Variants in GALNTL6 observed in about 807,000 individuals in gnomAD.
The protein encoded by GALNTL6 is polypeptide N-acetylgalactosaminyltransferase like 6.
Under a neutral mutation model 73.7 loss-of-function variants are expected in GALNTL6, and 46 were observed. The observed-to-expected ratio is 0.62, with a 90% CI of 0.49 to 0.80. The LOEUF (loss-of-function observed/expected upper bound fraction) is 0.80, where lower values mean the gene tolerates loss of function less well. Among genes scored for constraint, GALNTL6 ranks in the 30% least tolerant of loss-of-function variants. The probability of loss-of-function intolerance (pLI) is 0.00; values close to 1 mark genes in which losing one functional copy is unlikely to be tolerated. For missense variants in GALNTL6, 604 were observed against 755.0 expected (o/e 0.80, Z 2.34); for synonymous variants, 259 against 263.7 (o/e 0.98, Z 0.17).
chr4:172,292,026 A>ACACT (rs1561009469), intron 3 of GALNTL6, among the ~76,000 whole-genome samples: 1 of 152,122 alleles, frequency 6.6e-6, no homozygotes, highest in African/African-American at 2.4e-5. Context: ...TTCAAGTTCA[A>ACACT]CACTCACTCA....
At chr4:171,916,839 A>G (rs543099154) in intron 2 of GALNTL6, among the ~76,000 whole-genome samples, 1 of 152,112 alleles carries the variant, frequency 6.6e-6, no homozygotes, top group Non-Finnish European at 1.5e-5. Flanking sequence ...GGGCAGCTAC[A>G]TAGTCTCTCT....
chr4:172,457,947 C>G (rs575846028), intron 5 of GALNTL6, among the ~76,000 whole-genome samples: 16 of 152,178 alleles, frequency 1.1e-4, no homozygotes, highest in African/African-American at 3.6e-4. Flanking sequence ...CTAACATTGA[C>G]CACATAATTG....
intron 2 of GALNTL6, among the ~76,000 whole-genome samples, chr4:171,899,340 G>A (rs940739867): frequency 9.9e-5 from 15 of 152,078 alleles, no homozygotes; most frequent in African/African-American, 3.4e-4. Context: ...GTTACATTAT[G>A]GCTTTGTGTG....
intron 5 of GALNTL6, among the ~76,000 whole-genome samples, chr4:172,690,479 T>C (rs565877739): frequency 6.6e-6 from 1 of 152,316 alleles, no homozygotes; most frequent in South Asian, 2.1e-4. Context: ...TGGTAGATTT[T>C]AATGTGCCTA....
At chr4:172,834,818 T>C (rs1340273173) in intron 7 of GALNTL6, among the ~76,000 whole-genome samples, 1 of 152,142 alleles carries the variant, frequency 6.6e-6, no homozygotes, top group Non-Finnish European at 1.5e-5. Context: ...CAGGGAGAAA[T>C]GGTGATATGA....
At chr4:172,762,937 T>G (rs1738202533) in intron 5 of GALNTL6, among the ~76,000 whole-genome samples, 1 of 152,156 alleles carries the variant, frequency 6.6e-6, no homozygotes, top group South Asian at 2.1e-4. Flanking sequence ...ATTTAAGACT[T>G]TCTCTTTACT....
At chr4:172,148,853 T>C (rs1330789701) in intron 2 of GALNTL6, among the ~76,000 whole-genome samples, 1 of 152,238 alleles carries the variant, frequency 6.6e-6, no homozygotes, top group Non-Finnish European at 1.5e-5. Context: ...TTAGAATTAC[T>C]TTACATAGTA....
chr4:172,050,449 A>G (rs1730818407), intron 2 of GALNTL6, among the ~76,000 whole-genome samples: 1 of 152,192 alleles, frequency 6.6e-6, no homozygotes. Flanking sequence ...AAAAAAGAGA[A>G]GCTTTGTTTA....
intron 8 of GALNTL6, among the ~76,000 whole-genome samples, chr4:172,892,232 G>T (rs1746070867): frequency 6.6e-6 from 1 of 152,156 alleles, no homozygotes. Flanking sequence ...TTTTTGAATT[G>T]CCTGAGCCCT....
At chr4:172,747,154 A>G (rs1737158051) in intron 5 of GALNTL6, among the ~76,000 whole-genome samples, 1 of 152,168 alleles carries the variant, frequency 6.6e-6, no homozygotes, top group Admixed American at 6.5e-5. Context: ...CAGTTAGTGA[A>G]AGCAAAAACG....
intron 2 of GALNTL6, among the ~76,000 whole-genome samples, chr4:171,978,834 G>A (rs1473849986): frequency 1.3e-5 from 2 of 151,628 alleles, no homozygotes; most frequent in East Asian, 3.9e-4. Flanking sequence ...CTTGGCTTAG[G>A]AAACAATTTC....
intron 5 of GALNTL6, chr4:172,668,752 G>T (rs954110213): frequency 2.6e-5 from 4 of 152,134 alleles, no homozygotes; most frequent in Non-Finnish European, 5.9e-5. Flanking sequence ...CTACTTGAAG[G>T]TTATATCCTT....
intron 3 of GALNTL6, among the ~76,000 whole-genome samples, chr4:172,276,186 A>C (rs59642498): frequency 0.016 from 2,413 of 152,302 alleles, 60 homozygotes; most frequent in African/African-American, 0.054. Context: ...GGGTCTTCAC[A>C]GAAAAGATTT....
At chr4:171,933,470 T>C (rs1195594326) in intron 2 of GALNTL6, among the ~76,000 whole-genome samples, 1 of 152,154 alleles carries the variant, frequency 6.6e-6, no homozygotes, top group African/African-American at 2.4e-5. Flanking sequence ...AATATTGAAA[T>C]TACTCAAGTA....
In GALNTL6 at chr4:171,833,901, A is replaced by C. The variant is rs1735038266; in HGVS notation, c.138+19183A>C. ...CTTTTTTAAACACACTGCTCTAGCA[A>C]AATCATTTCAACCACTGTTTGAAAA... On this transcript the variant is annotated intron_variant, in intron 2 of 12. Coordinates refer to ENST00000506823, the MANE Select transcript of GALNTL6 (RefSeq NM_001034845.3). 2.0e-5 allele frequency among the ~76,000 whole-genome samples: 3 copies of C among 151,910 alleles called. No homozygotes were observed. In the South Asian group the frequency reaches 6.2e-4, roughly 31 times the overall value.
At chr4:172,595,679 C>T (rs1229999603) in intron 5 of GALNTL6, among the ~76,000 whole-genome samples, 2 of 152,138 alleles carry the variant, frequency 1.3e-5, no homozygotes, top group East Asian at 1.9e-4. Context: ...CAATGGCAAA[C>T]TATTTTTTTT....
intron 3 of GALNTL6, among the ~76,000 whole-genome samples, chr4:172,248,571 C>A (rs1406779005): frequency 6.6e-6 from 1 of 152,120 alleles, no homozygotes. Flanking sequence ...ATTAGTCAAT[C>A]CCATTTGGTT....
intron 5 of GALNTL6, among the ~76,000 whole-genome samples, chr4:172,586,466 G>T (rs1034814925): frequency 4.7e-5 from 6 of 127,854 alleles, no homozygotes; most frequent in South Asian, 2.9e-4. Context: ...TAGTTGCTCT[G>T]GGAATTCAGA....
At chr4:171,944,685 G>T (rs1738648856) in intron 2 of GALNTL6, among the ~76,000 whole-genome samples, 2 of 151,750 alleles carry the variant, frequency 1.3e-5, no homozygotes, top group South Asian at 4.1e-4. Flanking sequence ...TTTCCTCTGG[G>T]TGTGAGAAGG....
Sources: allele counts gnomAD v4.1 joint callset (sites outside exome capture counted in the v4.1 genomes callset), GRCh38; gene constraint gnomAD v4.1.1; transcripts MANE v1.5; gene names NCBI Gene and HGNC (gene_info 2026-07-23, HGNC 2026-07-21).